The following GLIS3 variants were observed in gnomAD, a reference collection of about 807,000 sequenced individuals.
GLIS3 encodes GLIS family zinc finger 3.
Under a neutral mutation model 78.6 loss-of-function variants are expected in GLIS3, and 53 were observed. That is an observed-to-expected ratio of 0.67 (90% CI 0.54 to 0.85). The LOEUF (loss-of-function observed/expected upper bound fraction) is 0.85. GLIS3 is among the 40% of genes least tolerant of loss of function. The probability of loss-of-function intolerance (pLI) is 0.00; values close to 1 mark genes in which losing one functional copy is unlikely to be tolerated. For synonymous variants in GLIS3, 684 were observed against 509.9 expected (o/e 1.34, Z -4.60); for missense variants, 1,703 against 1,231.1 (o/e 1.38, Z -5.74).
the GLIS3 span, among the ~76,000 whole-genome samples, chr9:4,469,591 T>A: frequency 5.3e-5 from 8 of 151,878 alleles, no homozygotes; most frequent in Non-Finnish European, 1.2e-4. Flanking sequence ...AAACCAAACA[T>A]AACAAAGACA....
At chr9:4,483,452 G>A in the GLIS3 span, among the ~76,000 whole-genome samples, 2 of 152,236 alleles carry the variant, frequency 1.3e-5, no homozygotes, top group Admixed American at 6.5e-5. Context: ...GGGTGCGGTG[G>A]CTCACGCCTG....
intron 2 of GLIS3, among the ~76,000 whole-genome samples, chr9:4,133,356 CATAGGTTTTGAG>C (rs1200941387): frequency 6.6e-6 from 1 of 152,156 alleles, no homozygotes; most frequent in Non-Finnish European, 1.5e-5. Flanking sequence ...GCATTGCAAA[CATAGGTTTTGAG>C]ACTCCCATTC....
chr9:4,057,958 T>C (rs577362349), intron 4 of GLIS3, among the ~76,000 whole-genome samples: 4 of 152,280 alleles, frequency 2.6e-5, no homozygotes, highest in East Asian at 3.9e-4. Flanking sequence ...TCTAAAAATA[T>C]GTATAGGTGT....
the GLIS3 span, among the ~76,000 whole-genome samples, chr9:4,430,628 C>A: frequency 3.3e-5 from 5 of 152,236 alleles, no homozygotes; most frequent in African/African-American, 9.6e-5. Context: ...AATCAAAGAA[C>A]AACTAGCAAG....
intron 8 of GLIS3, among the ~76,000 whole-genome samples, chr9:3,866,843 A>G (rs1466947600): frequency 6.6e-6 from 1 of 152,188 alleles, no homozygotes; most frequent in Non-Finnish European, 1.5e-5. Context: ...CTTGTGGTGT[A>G]GAGCAGTGCC....
At chr9:4,416,906 C>T in the GLIS3 span, among the ~76,000 whole-genome samples, 1 of 148,046 alleles carries the variant, frequency 6.8e-6, no homozygotes, top group African/African-American at 2.5e-5. Flanking sequence ...GCAACCTCTG[C>T]CTCCCAGGTT....
chr9:4,128,654 T>C (rs531198553), intron 2 of GLIS3, among the ~76,000 whole-genome samples: 21 of 152,202 alleles, frequency 1.4e-4, no homozygotes, highest in South Asian at 2.1e-4. Context: ...CTCCACATAA[T>C]TGCTAACTAG....
chr9:4,143,142 G>T (rs1429323631), intron 2 of GLIS3, among the ~76,000 whole-genome samples: 1 of 152,068 alleles, frequency 6.6e-6, no homozygotes, highest in African/African-American at 2.4e-5. Context: ...ATAATGTGAT[G>T]ATTTGACATA....
intron 2 of GLIS3, among the ~76,000 whole-genome samples, chr9:4,320,991 G>A (rs73641426): frequency 0.014 from 2,199 of 151,934 alleles, 62 homozygotes; most frequent in African/African-American, 0.051. Context: ...TGCTTGAGAA[G>A]GCTGTAAGTC....
chr9:4,407,925 A>G, the GLIS3 span, among the ~76,000 whole-genome samples: 2 of 152,216 alleles, frequency 1.3e-5, no homozygotes, highest in Non-Finnish European at 2.9e-5. Flanking sequence ...GAGGAAAAAA[A>G]AATCTAATAA....
intron 2 of GLIS3, among the ~76,000 whole-genome samples, chr9:4,341,888 A>C (rs547023652): frequency 4.5e-4 from 69 of 152,310 alleles, no homozygotes; most frequent in African/African-American, 1.4e-3. Context: ...TTGACCACGT[A>C]TATGTCTTCT....
the GLIS3 span, among the ~76,000 whole-genome samples, chr9:4,357,735 T>C: frequency 6.6e-6 from 1 of 152,190 alleles, no homozygotes; most frequent in Non-Finnish European, 1.5e-5. Flanking sequence ...ATCAAACTAG[T>C]GGCCTTCTAG....
chr9:4,237,482 T>G (rs1265504685), intron 2 of GLIS3, among the ~76,000 whole-genome samples: 6 of 152,254 alleles, frequency 3.9e-5, no homozygotes, highest in Non-Finnish European at 8.8e-5. Context: ...ATGAAATCGC[T>G]ACTTCAGGCT....
At chr9:4,390,356 G>A in the GLIS3 span, among the ~76,000 whole-genome samples, 58 of 152,056 alleles carry the variant, frequency 3.8e-4, no homozygotes, top group African/African-American at 1.2e-3. Flanking sequence ...TATATATTAC[G>A]TACTTGATAA....
chr9:3,904,162 C>T (rs1173162125), intron 6 of GLIS3, among the ~76,000 whole-genome samples: 1 of 152,162 alleles, frequency 6.6e-6, no homozygotes, highest in Admixed American at 6.5e-5. Context: ...CTTTAGTATC[C>T]AGTTATTCAA....
intron 4 of GLIS3, among the ~76,000 whole-genome samples, chr9:4,068,457 T>G (rs1437176234): frequency 6.6e-6 from 1 of 152,174 alleles, no homozygotes; most frequent in Admixed American, 6.5e-5. Flanking sequence ...CAAAGAAATA[T>G]TTTATGTAGG....
At chr9:4,321,968 A>T (rs76012157) in intron 2 of GLIS3, among the ~76,000 whole-genome samples, 10,324 of 152,062 alleles carry the variant, frequency 0.068, 1,165 homozygotes, top group African/African-American at 0.23. Context: ...AGTGTTGGTG[A>T]GCTGCACCCA....
At chr9:4,437,412 GTATGTATGTATC>G in the GLIS3 span, among the ~76,000 whole-genome samples, 1 of 82,126 alleles carries the variant, frequency 1.2e-5, no homozygotes, top group Admixed American at 1.3e-4. Context: ...CTGTATGTAT[GTATGTATGTATC>G]TATCTATCTA....
At chr9:3,932,537 T>A in intron 5 of GLIS3, 67 bp from the exon 6 acceptor site, 1 of 1,148,092 alleles carries the variant, frequency 8.7e-7, no homozygotes, top group Non-Finnish European at 1.3e-6. Flanking sequence ...AATGTTTTAC[T>A]CAAAGACTAT....
Sources: allele counts gnomAD v4.1 joint callset (sites outside exome capture counted in the v4.1 genomes callset), GRCh38; gene constraint gnomAD v4.1.1; transcripts MANE v1.5; gene names NCBI Gene and HGNC (gene_info 2026-07-23, HGNC 2026-07-21).